The following PALM2AKAP2 variants were observed in gnomAD, a reference collection of about 807,000 sequenced individuals.
PALM2AKAP2 encodes the protein PALM2 and AKAP2 fusion, also known as PALM2-AKAP2 fusion protein.
A neutral mutation model predicts 71.5 loss-of-function variants in PALM2AKAP2; 37 were observed. The ratio of observed to expected loss-of-function variants is 0.52; its 90% confidence interval spans 0.40 to 0.68. PALM2AKAP2 has a LOEUF of 0.68. Among genes scored for constraint, PALM2AKAP2 ranks in the 30% least tolerant of loss-of-function variants. The pLI is 0.00. For missense variants in PALM2AKAP2, 1,224 were observed against 1,191.8 expected (o/e 1.03, Z -0.40); for synonymous variants, 468 against 478.8 (o/e 0.98, Z 0.29).
intron 1 of PALM2AKAP2, among the ~76,000 whole-genome samples, chr9:109,819,554 A>G (rs1827936541): frequency 6.6e-6 from 1 of 151,896 alleles, no homozygotes. Context: ...ATTTTCTTTT[A>G]CCTTATCATG....
At chr9:110,005,567 A>G (rs1004024829) in intron 6 of PALM2AKAP2, among the ~76,000 whole-genome samples, 1 of 152,226 alleles carries the variant, frequency 6.6e-6, no homozygotes, top group Non-Finnish European at 1.5e-5. Context: ...AGACAGGGAC[A>G]TTTAAGTCTG....
chr9:110,015,376 A>G (rs1832960599), intron 6 of PALM2AKAP2, among the ~76,000 whole-genome samples: 1 of 152,202 alleles, frequency 6.6e-6, no homozygotes, highest in South Asian at 2.1e-4. Flanking sequence ...AGGTGGGTGG[A>G]TCACCGGAGG....
At chr9:109,683,276 C>G (rs1232377806) in intron 1 of PALM2AKAP2, among the ~76,000 whole-genome samples, 1 of 152,138 alleles carries the variant, frequency 6.6e-6, no homozygotes. Flanking sequence ...TTCTGTATAA[C>G]ATAGCAAGAA....
At chr9:110,035,469 A>ATATGTTGTGTGTTATATATAACATATATT (rs1476249381) in intron 7 of PALM2AKAP2, among the ~76,000 whole-genome samples, 1 of 143,796 alleles carries the variant, frequency 7.0e-6, no homozygotes. Context: ...ATGTATATAT[A>ATATGTTGTGTGTTATATATAACATATATT]TGATATGTTG....
intron 1 of PALM2AKAP2, among the ~76,000 whole-genome samples, chr9:110,053,940 T>C (rs950805433): frequency 6.6e-6 from 1 of 152,220 alleles, no homozygotes; most frequent in Non-Finnish European, 1.5e-5. Context: ...TTGTTTTTGA[T>C]GCCTGATTGG....
At chr9:109,788,787 T>C (rs1057314211) in intron 1 of PALM2AKAP2, among the ~76,000 whole-genome samples, 1 of 152,178 alleles carries the variant, frequency 6.6e-6, no homozygotes, top group African/African-American at 2.4e-5. Context: ...TTGGAAGTCA[T>C]GCAAGCCGGG....
intron 6 of PALM2AKAP2, among the ~76,000 whole-genome samples, chr9:109,990,350 G>A (rs777870640): frequency 2.4e-4 from 37 of 152,064 alleles, no homozygotes; most frequent in African/African-American, 4.3e-4. Flanking sequence ...GTGAGCCACC[G>A]TGCCTTGCCT....
chr9:109,965,956 C>T (rs1176249438), intron 6 of PALM2AKAP2, among the ~76,000 whole-genome samples: 1 of 152,112 alleles, frequency 6.6e-6, no homozygotes, highest in Non-Finnish European at 1.5e-5. Flanking sequence ...AAAGGCAACC[C>T]AGCCAGGAGG....
At chr9:109,677,300 T>C (rs971357592) in intron 1 of PALM2AKAP2, among the ~76,000 whole-genome samples, 3 of 152,124 alleles carry the variant, frequency 2.0e-5, no homozygotes, top group African/African-American at 7.2e-5. Flanking sequence ...GATCCTTGAG[T>C]TCTCAAGTGA....
intron 1 of PALM2AKAP2, among the ~76,000 whole-genome samples, chr9:109,843,831 G>T (rs750991952): frequency 6.6e-6 from 1 of 152,166 alleles, no homozygotes; most frequent in African/African-American, 2.4e-5. Context: ...GTAGGAGCCC[G>T]GACGAGGCCA....
intron 1 of PALM2AKAP2, among the ~76,000 whole-genome samples, chr9:109,803,229 T>C (rs1033820996): frequency 2.6e-5 from 4 of 152,224 alleles, no homozygotes; most frequent in African/African-American, 9.6e-5. Context: ...AATCTAGTAA[T>C]TGTCACTGTG....
chr9:109,725,080 T>C (rs1828456920), intron 1 of PALM2AKAP2, among the ~76,000 whole-genome samples: 1 of 151,958 alleles, frequency 6.6e-6, no homozygotes, highest in African/African-American at 2.4e-5. Context: ...AGATGCTCAA[T>C]CTCAATGGCA....
At chr9:109,970,217 T>C (rs1043538681) in intron 6 of PALM2AKAP2, among the ~76,000 whole-genome samples, 1 of 152,210 alleles carries the variant, frequency 6.6e-6, no homozygotes, top group Non-Finnish European at 1.5e-5. Context: ...AAGTGAATGA[T>C]GAGAAAAGTA....
At chr9:110,058,666 A>G (rs1427972059) in intron 1 of PALM2AKAP2, among the ~76,000 whole-genome samples, 1 of 152,014 alleles carries the variant, frequency 6.6e-6, no homozygotes, top group Non-Finnish European at 1.5e-5. Flanking sequence ...CAACTCCTTC[A>G]ATGCCACGAC....
intron 3 of PALM2AKAP2, among the ~76,000 whole-genome samples, chr9:109,908,860 C>G (rs1019209651): frequency 1.3e-5 from 2 of 148,346 alleles, no homozygotes; most frequent in African/African-American, 2.5e-5. Flanking sequence ...GAAAATCTAA[C>G]TCAGCAGGAA....
intron 6 of PALM2AKAP2, among the ~76,000 whole-genome samples, chr9:109,969,113 C>CACACACACACACACACACACACACA (rs56263304): frequency 6.6e-6 from 1 of 151,702 alleles, no homozygotes; most frequent in Non-Finnish European, 1.5e-5. Context: ...CACACACACA[C>CACACACACACACACACACACACACA]GACTCCCAGA....
chr9:110,034,160 T>C (rs1833336414), intron 7 of PALM2AKAP2, among the ~76,000 whole-genome samples: 1 of 152,188 alleles, frequency 6.6e-6, no homozygotes, highest in African/African-American at 2.4e-5. Context: ...TTTCCTTTTT[T>C]TCTATTGTTT....
At chr9:109,680,191 A>G (rs767522513) in intron 1 of PALM2AKAP2, among the ~76,000 whole-genome samples, 1 of 152,176 alleles carries the variant, frequency 6.6e-6, no homozygotes, top group Non-Finnish European at 1.5e-5. Flanking sequence ...TAGGATATAT[A>G]TGGTTTGGTT....
At chr9:109,920,038 C>T (rs1830790939) in intron 3 of PALM2AKAP2, among the ~76,000 whole-genome samples, 1 of 152,156 alleles carries the variant, frequency 6.6e-6, no homozygotes, top group Non-Finnish European at 1.5e-5. Flanking sequence ...TGCCTCAGGT[C>T]TATTCCATGT....
Sources: allele counts gnomAD v4.1 joint callset (sites outside exome capture counted in the v4.1 genomes callset), GRCh38; gene constraint gnomAD v4.1.1; transcripts MANE v1.5; gene names NCBI Gene and HGNC (gene_info 2026-07-23, HGNC 2026-07-21).